The following PSKH1 variants were observed in gnomAD, a reference collection of about 807,000 sequenced individuals.
PSKH1 encodes the protein protein serine kinase H1, also known as serine/threonine-protein kinase H1.
PSKH1 carries 12 observed loss-of-function variants against 26.7 expected under a neutral mutation model. That is an observed-to-expected ratio of 0.45 (90% CI 0.29 to 0.73). PSKH1 has a LOEUF of 0.73. PSKH1 is among the 30% of genes least tolerant of loss of function. PSKH1 has a pLI of 0.11. For synonymous variants in PSKH1, 213 were observed against 234.3 expected (o/e 0.91, Z 0.83); for missense variants, 431 against 595.2 (o/e 0.72, Z 2.87).
At chr16:67,913,232 C>A (rs972188118) in intron 2 of PSKH1, among the ~76,000 whole-genome samples, 9 of 152,086 alleles carry the variant, frequency 5.9e-5, no homozygotes, top group African/African-American at 2.2e-4. Context: ...CTGCAGCTTC[C>A]GCCTCTCAGG....
Position 67,928,851 on chromosome 16 carries a change from C to A in PSKH1, c.*1209C>A, listed in dbSNP as rs1485095929. 6.6e-6 allele frequency: 1 copy of A among 152,548 alleles called. No individual in the cohort carries two copies. The highest frequency in any genetic ancestry group is 1.5e-5 in the Non-Finnish European group (1 of 68,162). 9.4% of individuals were successfully genotyped at this position (152,548 alleles called of 1,614,324 possible). On this transcript the variant is annotated 3_prime_UTR_variant, in exon 3 of 3. Coordinates refer to ENST00000291041, the MANE Select transcript of PSKH1 (RefSeq NM_006742.3). The surrounding 1 kb of genome is among the most constrained non-coding windows in gnomAD (Gnocchi z 4.8). ...TCCCCTTCTGCTGAGCTTCTGCGCACCCCTCCCTGGAACTTAGCCATACTG... is the reference window on the plus strand; with the variant it reads ...TCCCCTTCTGCTGAGCTTCTGCGCAACCCTCCCTGGAACTTAGCCATACTG...
chr16:67,909,760 G>T lies in PSKH1; in HGVS notation c.957+54G>T, dbSNP rs770148628. 2.0e-6 allele frequency: 3 copies of T among 1,512,054 alleles called. No homozygotes were observed. Among genetic ancestry groups the T allele is most frequent in the Admixed American group, 3.6e-5 (2 of 56,038 alleles). 93.7% of individuals were successfully genotyped at this position (1,512,054 alleles called of 1,614,324 possible). A position where few individuals can be genotyped will look rare whatever the true frequency, so the allele number is the denominator to read the frequency against. On this transcript the variant is annotated intron_variant, in intron 2 of 2. Coordinates refer to ENST00000291041, the MANE Select transcript of PSKH1 (RefSeq NM_006742.3). The surrounding 1 kb of genome is among the most constrained non-coding windows in gnomAD (Gnocchi z 7.8). ...GTTGGGGAGGCACCTGCGGGGGCAG[G>T]TATATCCTGCAGCTCTCAGTCAGAG...
At chr16:67,919,093 G>C (rs768745627) in intron 2 of PSKH1, among the ~76,000 whole-genome samples, 2 of 152,178 alleles carry the variant, frequency 1.3e-5, no homozygotes, top group Middle Eastern at 3.2e-3. Context: ...GCAGGGATAG[G>C]ACCTCATCCC....
intron 1 of PSKH1, among the ~76,000 whole-genome samples, chr16:67,903,654 C>T (rs2058147742): frequency 6.6e-6 from 1 of 151,804 alleles, no homozygotes; most frequent in Admixed American, 6.6e-5. Context: ...TCTACATGCA[C>T]CCCACACATC....
In PSKH1 at chr16:67,906,227, C is replaced by T. The variant is rs192449602; in HGVS notation, c.-70-2453C>T. ...AGCTGGGATTACAGGCATGTGCCAC[C>T]AAGCCCGGCTAATTTTGTATTTTTA... On this transcript the variant is annotated intron_variant, in intron 1 of 2. Transcript: ENST00000291041. 2.6e-3 allele frequency among the ~76,000 whole-genome samples: 398 copies of T among 152,232 alleles called. 3 individuals carry two copies. Among genetic ancestry groups the T allele is most frequent in the African/African-American group, 9.3e-3 (388 of 41,536 alleles).
chr16:67,912,793 A>C (rs1598190704), intron 2 of PSKH1, among the ~76,000 whole-genome samples: 1 of 152,072 alleles, frequency 6.6e-6, no homozygotes, highest in African/African-American at 2.4e-5. Flanking sequence ...ACTTGAACCC[A>C]TGAGGCAGAG....
At position 67,909,965 on chromosome 16, in the gene PSKH1, G is replaced by T. The variant is rs545785543; in HGVS notation, c.957+259G>T. Reference sequence around the variant, plus strand: ...AAAGTGAAGGAGTGGGAAAAGTGAGGCAGGAAGGGAGAAAGTCAGTAGAGT... The same window carrying T: ...AAAGTGAAGGAGTGGGAAAAGTGAGTCAGGAAGGGAGAAAGTCAGTAGAGT... On this transcript the variant is annotated intron_variant, in intron 2 of 2. Coordinates refer to ENST00000291041, the MANE Select transcript of PSKH1 (RefSeq NM_006742.3). The surrounding 1 kb of genome is among the most constrained non-coding windows in gnomAD (Gnocchi z 7.8). The T allele has an allele frequency of 4.1e-5, 23 of 561,528 alleles. No homozygotes were observed. The East Asian group carries it at 6.4e-4, about 16-fold the overall frequency. 34.8% of individuals were successfully genotyped at this position (561,528 alleles called of 1,614,324 possible).
At chr16:67,906,263 G>A (rs1415828419) in intron 1 of PSKH1, among the ~76,000 whole-genome samples, 2 of 151,732 alleles carry the variant, frequency 1.3e-5, no homozygotes, top group African/African-American at 4.8e-5. Context: ...GTAGAGACAG[G>A]GTTTCACCAT....
In PSKH1 at chr16:67,916,682, G is replaced by T. The variant is rs567039234; in HGVS notation, c.957+6976G>T. ...CCTGGCAGGAGGAAGGCTAGCTGGA[G>T]GCTACTGGAATAATTCCATCCTGTC... On this transcript the variant is annotated intron_variant, in intron 2 of 2. Coordinates refer to ENST00000291041, the MANE Select transcript of PSKH1 (RefSeq NM_006742.3). Among the ~76,000 whole-genome samples the T allele has an allele frequency of 7.2e-5, 11 of 152,264 alleles. No individual in the cohort carries two copies. In the East Asian group the frequency reaches 1.4e-3, roughly 19 times the overall value.
intron 2 of PSKH1, among the ~76,000 whole-genome samples, chr16:67,925,881 G>C (rs955897465): frequency 6.6e-6 from 1 of 152,148 alleles, no homozygotes; most frequent in Non-Finnish European, 1.5e-5. Context: ...AGTGGGGAAG[G>C]GGGTAGGGAA....
chr16:67,910,646 G>C (rs2058170742), intron 2 of PSKH1, among the ~76,000 whole-genome samples: 1 of 152,064 alleles, frequency 6.6e-6, no homozygotes, highest in Non-Finnish European at 1.5e-5. Context: ...GGGATTACAG[G>C]CCCGCATCAC....
chr16:67,912,132 G>T (rs2058175138), intron 2 of PSKH1, among the ~76,000 whole-genome samples: 1 of 152,162 alleles, frequency 6.6e-6, no homozygotes, highest in African/African-American at 2.4e-5. Context: ...TGGACAGGTG[G>T]GTTCTGCAGA....
intron 1 of PSKH1, among the ~76,000 whole-genome samples, chr16:67,904,293 C>T (rs371901881): frequency 1.3e-5 from 2 of 152,076 alleles, no homozygotes; most frequent in East Asian, 1.9e-4. Flanking sequence ...CAACCTCTGC[C>T]TCCTGGGTCC....
At chr16:67,902,341 C>A (rs1282801436) in intron 1 of PSKH1, among the ~76,000 whole-genome samples, 1 of 152,046 alleles carries the variant, frequency 6.6e-6, no homozygotes, top group East Asian at 1.9e-4. Flanking sequence ...CGATCTCTCA[C>A]CCAGGCTGGA....
At chr16:67,924,677 G>C (rs2058211453) in intron 2 of PSKH1, among the ~76,000 whole-genome samples, 2 of 152,230 alleles carry the variant, frequency 1.3e-5, no homozygotes, top group Admixed American at 6.5e-5. Flanking sequence ...GACACCCTGG[G>C]CTGTCAGCCC....
At chr16:67,917,353 G>A (rs1028506469) in intron 2 of PSKH1, among the ~76,000 whole-genome samples, 3 of 152,244 alleles carry the variant, frequency 2.0e-5, no homozygotes, top group Non-Finnish European at 2.9e-5. Context: ...GCCTCAGCAC[G>A]TTGCTGGTTT....
At chr16:67,907,032 C>T (rs1453299549) in intron 1 of PSKH1, among the ~76,000 whole-genome samples, 3 of 151,768 alleles carry the variant, frequency 2.0e-5, no homozygotes, top group South Asian at 2.1e-4. Flanking sequence ...GGCAGGATCT[C>T]GGCTCACTGC....
chr16:67,920,564 C>T (rs1205202291), intron 2 of PSKH1, among the ~76,000 whole-genome samples: 1 of 152,216 alleles, frequency 6.6e-6, no homozygotes, highest in African/African-American at 2.4e-5. Flanking sequence ...CAGCCCTGAC[C>T]TCTTTAGATC....
At chr16:67,915,791 C>T (rs1056014750) in intron 2 of PSKH1, among the ~76,000 whole-genome samples, 1 of 152,182 alleles carries the variant, frequency 6.6e-6, no homozygotes, top group African/African-American at 2.4e-5. Flanking sequence ...TAGCTCTATC[C>T]CAGGACACTA....
Sources: allele counts gnomAD v4.1 joint callset (sites outside exome capture counted in the v4.1 genomes callset), GRCh38; gene constraint gnomAD v4.1.1; non-coding constraint Gnocchi (gnomAD v3.1); transcripts MANE v1.5; gene names NCBI Gene and HGNC (gene_info 2026-07-23, HGNC 2026-07-21).